MAPKAPK2: variants seen among roughly 807,000 people sequenced by gnomAD.
MAPKAPK2 encodes the protein MAPK activated protein kinase 2.
A neutral mutation model predicts 48.8 loss-of-function variants in MAPKAPK2; 9 were observed. The observed-to-expected ratio is 0.18, with a 90% CI of 0.11 to 0.32. The LOEUF is 0.32. Among genes scored for constraint, MAPKAPK2 ranks in the 10% least tolerant of loss-of-function variants. MAPKAPK2 has a pLI of 1.00. For missense variants in MAPKAPK2, 331 were observed against 498.3 expected (o/e 0.66, Z 3.20); for synonymous variants, 202 against 190.6 (o/e 1.06, Z -0.49).
chr1:206,688,560 C>G (rs1419664258), intron 1 of MAPKAPK2, among the ~76,000 whole-genome samples: 4 of 152,220 alleles, frequency 2.6e-5, no homozygotes, highest in African/African-American at 4.8e-5. Flanking sequence ...TTTAACCACT[C>G]CCTCCCCCTT....
intron 1 of MAPKAPK2, among the ~76,000 whole-genome samples, chr1:206,711,025 T>C (rs1034850485): frequency 2.0e-5 from 3 of 152,220 alleles, no homozygotes; most frequent in South Asian, 4.1e-4. Context: ...CGTGGAAAAA[T>C]CATAATTTTC....
Position 206,730,079 on chromosome 1 carries a change from T to C in MAPKAPK2, c.672T>C (p.Cys224=). ...GCCACAACTCTTTGACCACTCCTTG[T>C]TATACACCGTACTATGTGGGTAAGT... The part of the protein sequence containing the change: ...TTSHNSLTTP[C]YTPYYVAPEV... Residue 224 remains cysteine, a synonymous_variant, in exon 5 of 10, where the codon TGT becomes TGC. Transcript: ENST00000367103. The C allele has an allele frequency of 6.2e-7, 1 of 1,614,238 alleles. No individual in the cohort carries two copies. The highest frequency in any genetic ancestry group is 1.1e-5 in the South Asian group (1 of 91,088).
intron 1 of MAPKAPK2, among the ~76,000 whole-genome samples, chr1:206,708,831 T>C (rs1229597575): frequency 6.6e-6 from 1 of 152,186 alleles, no homozygotes; most frequent in African/African-American, 2.4e-5. Flanking sequence ...CACTGTAGAT[T>C]AGTTTTGCTT....
chr1:206,729,335 C>A, intron 3 of MAPKAPK2, 61 bp from the exon 4 acceptor site: 1 of 1,433,510 alleles, frequency 7.0e-7, no homozygotes. Flanking sequence ...ACTGGGTTTT[C>A]AAGCCTAATG....
intron 1 of MAPKAPK2, 131 bp downstream of exon 1, chr1:206,685,639 G>A (rs1672266340): frequency 3.0e-6 from 2 of 662,304 alleles, no homozygotes; most frequent in African/African-American, 2.0e-5. Context: ...GGGGCGGGGC[G>A]GCCGGGCCGG....
chr1:206,686,824 A>T (rs1391174575), intron 1 of MAPKAPK2, among the ~76,000 whole-genome samples: 4 of 152,152 alleles, frequency 2.6e-5, no homozygotes, highest in African/African-American at 9.7e-5. Flanking sequence ...TGCTGCTCTC[A>T]TACTCAACCC....
intron 1 of MAPKAPK2, among the ~76,000 whole-genome samples, chr1:206,723,821 G>T (rs188962958): frequency 1.3e-5 from 2 of 152,322 alleles, no homozygotes; most frequent in East Asian, 1.9e-4. Context: ...GGCAGCTCCC[G>T]CAGCTCCCTC....
intron 1 of MAPKAPK2, among the ~76,000 whole-genome samples, chr1:206,722,252 C>T (rs1366294354): frequency 1.1e-4 from 17 of 152,040 alleles, no homozygotes; most frequent in East Asian, 3.9e-4. Flanking sequence ...CCCAGCTACT[C>T]GGGAAGCTGA....
intron 1 of MAPKAPK2, among the ~76,000 whole-genome samples, chr1:206,709,982 T>TTA (rs1231258184): frequency 3.9e-5 from 6 of 152,052 alleles, no homozygotes; most frequent in African/African-American, 1.5e-4. Flanking sequence ...GGTGTAGAGC[T>TTA]TAGTCACCGA....
In MAPKAPK2 at chr1:206,685,151, G is replaced by T. The variant is rs1264478750; in HGVS notation, c.-79G>T. 5.1e-5 allele frequency: 12 copies of T among 237,546 alleles called. No homozygotes were observed. The South Asian group carries it at 1.4e-3, about 27-fold the overall frequency. The allele number at this position is 237,546 out of a possible 1,614,324, so 14.7% of individuals were successfully genotyped here. ...AGCGAACTTCGCAGCCCGTCGGGGG[G>T]CGGCGGGGAGGGGGCCCGGAGCCGG... On this transcript the variant is annotated 5_prime_UTR_variant, in exon 1 of 10. Coordinates refer to ENST00000367103, the MANE Select transcript of MAPKAPK2 (RefSeq NM_032960.4).
chr1:206,707,811 C>T (rs1251860411), intron 1 of MAPKAPK2, among the ~76,000 whole-genome samples: 10 of 152,194 alleles, frequency 6.6e-5, no homozygotes, highest in African/African-American at 2.2e-4. Flanking sequence ...TTGAGAGCTA[C>T]TTGCACCCAG....
intron 1 of MAPKAPK2, among the ~76,000 whole-genome samples, chr1:206,690,869 A>G (rs1215270480): frequency 6.6e-6 from 1 of 151,926 alleles, no homozygotes; most frequent in Non-Finnish European, 1.5e-5. Flanking sequence ...TGCAGGATTC[A>G]CTCTATTCTC....
chr1:206,693,860 G>C (rs1672531119), intron 1 of MAPKAPK2, among the ~76,000 whole-genome samples: 1 of 152,206 alleles, frequency 6.6e-6, no homozygotes, highest in Admixed American at 6.5e-5. Context: ...ACTGGGCCCT[G>C]GCTCTCAGGA....
intron 1 of MAPKAPK2, among the ~76,000 whole-genome samples, chr1:206,711,611 T>A (rs901491748): frequency 6.7e-6 from 1 of 149,814 alleles, no homozygotes; most frequent in Non-Finnish European, 1.5e-5. Flanking sequence ...CTCATTCTTT[T>A]TTTTTTTTTT....
At chr1:206,729,237 C>G in intron 3 of MAPKAPK2, 138 bp downstream of exon 3, 2 of 1,135,552 alleles carry the variant, frequency 1.8e-6, no homozygotes, top group Non-Finnish European at 1.3e-6. Flanking sequence ...GGTGCCTCAG[C>G]TGACCAGGGA....
rs1212947273 is a variant in MAPKAPK2 at position 206,704,131 on chromosome 1, A to G, written c.279+18623A>G. ...TTTTTCCAATCCAAAGTGAGGGTCT[A>G]TCTGATAGTTTTTCCTGGAGTTGGG... On this transcript the variant is annotated intron_variant, in intron 1 of 9. Transcript: ENST00000367103. The surrounding 1 kb of genome is among the most constrained non-coding windows in gnomAD (Gnocchi z 4.3). Among the ~76,000 whole-genome samples, 5 of 152,254 alleles carry G rather than the reference A, an allele frequency of 3.3e-5. No homozygotes were observed. The East Asian group carries it at 7.7e-4, about 23-fold the overall frequency.
At chr1:206,725,568 A>T (rs1412652433) in intron 1 of MAPKAPK2, among the ~76,000 whole-genome samples, 3 of 152,230 alleles carry the variant, frequency 2.0e-5, no homozygotes, top group African/African-American at 7.2e-5. Flanking sequence ...GGCAGGTATC[A>T]TCGCTCCTAA....
At chr1:206,730,631 T>C in intron 5 of MAPKAPK2, 57 bp from the exon 6 acceptor site, 1 of 1,434,334 alleles carries the variant, frequency 7.0e-7, no homozygotes, top group Non-Finnish European at 9.8e-7. Flanking sequence ...ACAGAGAAAC[T>C]GAGTGGATCA....
chr1:206,729,928 C>A, intron 4 of MAPKAPK2, 44 bp from the exon 5 acceptor site: 1 of 1,613,280 alleles, frequency 6.2e-7, no homozygotes, highest in South Asian at 1.1e-5. Flanking sequence ...ATAGCCCCTC[C>A]CAGGTCCAGC....
Sources: allele counts gnomAD v4.1 joint callset (sites outside exome capture counted in the v4.1 genomes callset), GRCh38; gene constraint gnomAD v4.1.1; non-coding constraint Gnocchi (gnomAD v3.1); transcripts MANE v1.5; gene names NCBI Gene and HGNC (gene_info 2026-07-23, HGNC 2026-07-21).